TRAPPC12: variants seen among roughly 807,000 people sequenced by gnomAD.
The protein encoded by TRAPPC12 is trafficking protein particle complex subunit 12.
Under a neutral mutation model 69.2 loss-of-function variants are expected in TRAPPC12, and 61 were observed. The ratio of observed to expected loss-of-function variants is 0.88; its 90% CI spans 0.72 to 1.09. The LOEUF (loss-of-function observed/expected upper bound fraction) is 1.09. TRAPPC12 is among the 50% of genes least tolerant of loss of function. The probability of loss-of-function intolerance (pLI) is 0.00; values close to 1 mark genes in which losing one functional copy is unlikely to be tolerated. For synonymous variants in TRAPPC12, 469 were observed against 438.9 expected (o/e 1.07, Z -0.86); for missense variants, 1,101 against 1,016.4 (o/e 1.08, Z -1.13).
At chr2:3,450,357 G>C (rs1010351423) in intron 6 of TRAPPC12, among the ~76,000 whole-genome samples, 1 of 152,210 alleles carries the variant, frequency 6.6e-6, no homozygotes, top group African/African-American at 2.4e-5. Context: ...AGAAGAAAGT[G>C]TATTTTCAAG....
chr2:3,399,276 A>G (rs1051496766), intron 2 of TRAPPC12, among the ~76,000 whole-genome samples: 2 of 152,228 alleles, frequency 1.3e-5, no homozygotes, highest in African/African-American at 4.8e-5. Context: ...CGTCCCTGGC[A>G]TTACAATTTG....
In TRAPPC12 at chr2:3,461,395, G is replaced by C. The variant is rs1201396693; in HGVS notation, c.1677+1059G>C. Among the ~76,000 whole-genome samples the C allele has an allele frequency of 2.0e-5, 3 of 152,220 alleles. No homozygotes were observed. The South Asian group carries it at 6.2e-4, about 31-fold the overall frequency. ...CCCAGTGCGGGGCCGCTGCCTTTGCGCTTCTGCGTCTACGTCAGGCTGGAC... is the reference window on the plus strand; with the variant it reads ...CCCAGTGCGGGGCCGCTGCCTTTGCCCTTCTGCGTCTACGTCAGGCTGGAC... On this transcript the variant is annotated intron_variant, in intron 8 of 11. Coordinates refer to ENST00000324266, the MANE Select transcript of TRAPPC12 (RefSeq NM_016030.6).
At chr2:3,442,666 T>TA (rs1213481877) in intron 5 of TRAPPC12, among the ~76,000 whole-genome samples, 3 of 152,208 alleles carry the variant, frequency 2.0e-5, no homozygotes, top group Non-Finnish European at 2.9e-5. Flanking sequence ...TAGTGTTCCT[T>TA]AATTTTGACT....
chr2:3,458,931 G>A (rs1026953290), intron 7 of TRAPPC12, among the ~76,000 whole-genome samples: 1 of 152,238 alleles, frequency 6.6e-6, no homozygotes, highest in African/African-American at 2.4e-5. Flanking sequence ...AAGATATTCA[G>A]AATTTCTTTT....
intron 5 of TRAPPC12, among the ~76,000 whole-genome samples, chr2:3,429,772 G>A (rs1663324619): frequency 6.6e-6 from 1 of 152,200 alleles, no homozygotes; most frequent in South Asian, 2.1e-4. Flanking sequence ...TCTGTTTTGG[G>A]ATCTGGTTGA....
At chr2:3,470,366 C>T (rs1167242725) in intron 9 of TRAPPC12, among the ~76,000 whole-genome samples, 1 of 152,264 alleles carries the variant, frequency 6.6e-6, no homozygotes, top group East Asian at 1.9e-4. Flanking sequence ...CGTCCCAGGG[C>T]GCTGCTGTGC....
intron 6 of TRAPPC12, chr2:3,455,891 ATG>A (rs778420465): frequency 2.6e-5 from 4 of 152,154 alleles, no homozygotes; most frequent in Non-Finnish European, 5.9e-5. Context: ...GCTGCGTTGT[ATG>A]GTAGCTCTAT....
intron 3 of TRAPPC12, among the ~76,000 whole-genome samples, chr2:3,407,795 C>CA (rs908346929): frequency 3.0e-4 from 44 of 148,856 alleles, no homozygotes; most frequent in African/African-American, 1.0e-3. Context: ...GACTCCGTTT[C>CA]AAAAAAAGAA....
chr2:3,383,418 A>G (rs1286131046), intron 1 of TRAPPC12, among the ~76,000 whole-genome samples: 2 of 88,642 alleles, frequency 2.3e-5, no homozygotes, highest in African/African-American at 4.5e-5. Context: ...GCCCCGCCCG[A>G]GACGGAGTCT....
At chr2:3,384,053 A>AT (rs2103419329) in intron 1 of TRAPPC12, among the ~76,000 whole-genome samples, 1 of 151,404 alleles carries the variant, frequency 6.6e-6, no homozygotes, top group South Asian at 2.1e-4. Flanking sequence ...CCTCCACCAC[A>AT]CCTGGCTAAT....
intron 2 of TRAPPC12, among the ~76,000 whole-genome samples, chr2:3,400,573 C>T (rs903489811): frequency 3.9e-5 from 6 of 152,196 alleles, no homozygotes; most frequent in Non-Finnish European, 7.3e-5. Flanking sequence ...TGGTCCAGGG[C>T]TGTGTCCTGG....
chr2:3,388,223 GCAGCCCAGCCCCAGCCT>G lies in TRAPPC12; in HGVS notation c.605_621del (p.Pro202HisfsTer84). On this transcript the variant is annotated frameshift_variant, in exon 2 of 12. Transcript: ENST00000324266. LOFTEE classifies it high-confidence loss of function. ...CGGCCAGGACACCGCCCCAGGTCGT[GCAGCCCAGCCCCAGCCT>G]CAGCACGTTCTTCGGAGACACGGCC... 1 of 1,608,666 alleles carries G rather than the reference GCAGCCCAGCCCCAGCCT, an allele frequency of 6.2e-7. No individual in the cohort carries two copies.
At chr2:3,477,444 A>C (rs1030889891) in intron 9 of TRAPPC12, among the ~76,000 whole-genome samples, 6 of 152,240 alleles carry the variant, frequency 3.9e-5, no homozygotes, top group African/African-American at 1.4e-4. Flanking sequence ...AAAAATTACT[A>C]AACTATAAGA....
rs778514107 is a variant in TRAPPC12 at position 3,388,247 on chromosome 2, G to A, written c.624G>A (p.Thr208=). The A allele has an allele frequency of 6.8e-6, 11 of 1,608,514 alleles. No homozygotes were observed. Among genetic ancestry groups the A allele is most frequent in the Admixed American group, 3.3e-5 (2 of 59,712 alleles). The change falls in exon 2 of 12, where the codon ACG becomes ACA. Residue 208 remains threonine (T), a synonymous_variant. Transcript: ENST00000324266. The part of the protein sequence containing the change: ...QVVQPSPSLS[T]FFGDTAASHS... ...TGCAGCCCAGCCCCAGCCTCAGCACGTTCTTCGGAGACACGGCCGCCAGCC... is the reference window on the plus strand; with the variant it reads ...TGCAGCCCAGCCCCAGCCTCAGCACATTCTTCGGAGACACGGCCGCCAGCC...
intron 5 of TRAPPC12, among the ~76,000 whole-genome samples, chr2:3,441,661 A>ATTATTTTCTTGTAATAAAATATT (rs1664210443): frequency 6.8e-6 from 1 of 147,218 alleles, no homozygotes; most frequent in Non-Finnish European, 1.5e-5. Context: ...TAATATTTTT[A>ATTATTTTCTTGTAATAAAATATT]TTATTTTCTT....
chr2:3,433,723 A>T (rs1198757947), intron 5 of TRAPPC12, among the ~76,000 whole-genome samples: 1 of 152,222 alleles, frequency 6.6e-6, no homozygotes, highest in African/African-American at 2.4e-5. Flanking sequence ...TAAATTTTGT[A>T]GGAGTATTTT....
At position 3,479,022 on chromosome 2, in the gene TRAPPC12, C is replaced by T. The variant is rs140848185; in HGVS notation, c.1965+89C>T. ...CCACACACGTCTCAGCAGGGGCCTG[C>T]GCTCTCTCTCTCCAGTCCACCAGCT... On this transcript the variant is annotated intron_variant, in intron 11 of 11. Coordinates refer to ENST00000324266, the MANE Select transcript of TRAPPC12 (RefSeq NM_016030.6). 2.1e-4 allele frequency: 311 copies of T among 1,490,638 alleles called. No individual in the cohort carries two copies. The African/African-American group carries it at 3.1e-3, about 15-fold the overall frequency. 92.3% of individuals were successfully genotyped at this position (1,490,638 alleles called of 1,614,324 possible).
chr2:3,404,653 C>T (rs918992613), intron 3 of TRAPPC12, among the ~76,000 whole-genome samples: 2 of 152,004 alleles, frequency 1.3e-5, no homozygotes, highest in Non-Finnish European at 2.9e-5. Context: ...TAATAAACAC[C>T]GTGACAGTCA....
At chr2:3,479,194 A>G (rs572723210) in intron 11 of TRAPPC12, 25 bp from the exon 12 acceptor site, 22 of 1,605,852 alleles carry the variant, frequency 1.4e-5, no homozygotes, top group Middle Eastern at 1.7e-4. Context: ...GTGTGGGCCA[A>G]CCCTGGGCGT....
Sources: gnomAD v4.1 joint callset for allele counts (sites outside exome capture counted in the v4.1 genomes callset) on GRCh38, gnomAD v4.1.1 for gene constraint, MANE v1.5 for transcripts, NCBI Gene and HGNC (gene_info 2026-07-23, HGNC 2026-07-21) for gene names.